The following FOXJ3 variants were observed in gnomAD, a reference collection of about 807,000 sequenced individuals.
The protein encoded by FOXJ3 is forkhead box protein J3.
FOXJ3 carries 22 observed loss-of-function variants against 76.1 expected under a neutral mutation model. The observed-to-expected ratio is 0.29, with a 90% CI of 0.21 to 0.41. The LOEUF (loss-of-function observed/expected upper bound fraction) is 0.41. FOXJ3 is among the 10% of genes least tolerant of loss of function. FOXJ3 has a pLI of 1.00. For missense variants in FOXJ3, 613 were observed against 762.1 expected, an observed-to-expected ratio of 0.80 and a Z score of 2.30; for synonymous variants, 269 against 261.2, an observed-to-expected ratio of 1.03 and a Z score of -0.29.
chr1:42,331,539 G>A (rs1436031956), intron 1 of FOXJ3, among the ~76,000 whole-genome samples: 1 of 152,176 alleles, frequency 6.6e-6, no homozygotes, highest in Non-Finnish European at 1.5e-5. Context: ...TGAAACATAT[G>A]CAAGTGAAAG....
intron 5 of FOXJ3, among the ~76,000 whole-genome samples, chr1:42,222,040 GAGAAGGAGA>G (rs1647216997): frequency 7.7e-4 from 7 of 9,092 alleles, no homozygotes; most frequent in East Asian, 2.6e-3. Context: ...GGAGGAGAAG[GAGAAGGAGA>G]AGAAGAAGAA....
intron 4 of FOXJ3, among the ~76,000 whole-genome samples, chr1:42,230,292 T>C (rs1569962001): frequency 6.6e-6 from 1 of 152,270 alleles, no homozygotes. Flanking sequence ...ATCAAAACCA[T>C]AGTAAGATAA....
chr1:42,186,347 C>G (rs1646435664), intron 11 of FOXJ3, among the ~76,000 whole-genome samples: 1 of 152,050 alleles, frequency 6.6e-6, no homozygotes, highest in Non-Finnish European at 1.5e-5. Flanking sequence ...GCCAAAACAG[C>G]TTGGCAGGCA....
In FOXJ3 at chr1:42,181,899, T is replaced by C. The variant is rs112546829; in HGVS notation, c.1753+18A>G. The C allele has an allele frequency of 5.1e-6, 3 of 584,810 alleles. No homozygotes were observed. The highest frequency in any genetic ancestry group is 7.4e-6 in the Non-Finnish European group (3 of 406,268). The allele number at this position is 584,810 out of a possible 1,614,324, so 36.2% of individuals were successfully genotyped here. A position where few individuals can be genotyped will look rare whatever the true frequency, so the allele number is the denominator to read the frequency against. ...CACACACACACACACACACACTCACTCTCTCTCTCTCTCTTACCTGCCATC... is the reference window on the plus strand; with the variant it reads ...CACACACACACACACACACACTCACCCTCTCTCTCTCTCTTACCTGCCATC... On this transcript the variant is annotated intron_variant, in intron 12 of 12. Coordinates refer to ENST00000361346, the MANE Select transcript of FOXJ3 (RefSeq NM_014947.5).
At chr1:42,236,921 T>C in intron 4 of FOXJ3, among the ~76,000 whole-genome samples, 1 of 152,248 alleles carries the variant, frequency 6.6e-6, no homozygotes. Context: ...CATCTTTGCA[T>C]GTACTTATTT....
chr1:42,302,442 T>C (rs1216652329), intron 2 of FOXJ3, among the ~76,000 whole-genome samples: 3 of 152,180 alleles, frequency 2.0e-5, no homozygotes, highest in Non-Finnish European at 4.4e-5. Context: ...GACAGGTGGG[T>C]CCAGACCAGG....
At chr1:42,325,543 A>G (rs189384256) in intron 1 of FOXJ3, among the ~76,000 whole-genome samples, 330 of 152,320 alleles carry the variant, frequency 2.2e-3, no homozygotes, top group African/African-American at 7.6e-3. Context: ...AAGAGGGAAC[A>G]GATGAGCAAG....
intron 6 of FOXJ3, among the ~76,000 whole-genome samples, chr1:42,202,683 T>C (rs906823635): frequency 6.6e-6 from 1 of 152,172 alleles, no homozygotes; most frequent in Non-Finnish European, 1.5e-5. Context: ...AAAGTTCTTA[T>C]ACATGATATA....
At chr1:42,254,550 G>C (rs1435440758) in intron 4 of FOXJ3, among the ~76,000 whole-genome samples, 1 of 147,972 alleles carries the variant, frequency 6.8e-6, no homozygotes, top group Non-Finnish European at 1.5e-5. Context: ...CAATAGCAAA[G>C]ACTTGGAACC....
At chr1:42,199,546 T>C (rs1646717713) in intron 6 of FOXJ3, among the ~76,000 whole-genome samples, 1 of 152,132 alleles carries the variant, frequency 6.6e-6, no homozygotes, top group African/African-American at 2.4e-5. Flanking sequence ...TAAATATTTC[T>C]ATAATGCATA....
chr1:42,236,811 A>T (rs1438690293), intron 4 of FOXJ3, among the ~76,000 whole-genome samples: 1 of 152,176 alleles, frequency 6.6e-6, no homozygotes, highest in African/African-American at 2.4e-5. Flanking sequence ...CGTCCTTGCC[A>T]ACACTTGGTA....
chr1:42,289,293 C>T (rs1653266424), intron 2 of FOXJ3, among the ~76,000 whole-genome samples: 1 of 151,622 alleles, frequency 6.6e-6, no homozygotes, highest in Non-Finnish European at 1.5e-5. Context: ...ACTGTGATAC[C>T]TAGGCTTAAA....
chr1:42,239,253 C>T (rs1336122170), intron 4 of FOXJ3, among the ~76,000 whole-genome samples: 1 of 150,326 alleles, frequency 6.7e-6, no homozygotes, highest in African/African-American at 2.5e-5. Context: ...ATTTCTTTTT[C>T]TTGCCTTACT....
chr1:42,237,411 T>C (rs1341654659), intron 4 of FOXJ3, among the ~76,000 whole-genome samples: 57 of 25,744 alleles, frequency 2.2e-3, no homozygotes, highest in East Asian at 0.014. Flanking sequence ...CATACATATA[T>C]ATATATATAT....
intron 2 of FOXJ3, among the ~76,000 whole-genome samples, chr1:42,301,999 A>G (rs1654180358): frequency 6.6e-6 from 1 of 152,002 alleles, no homozygotes; most frequent in Non-Finnish European, 1.5e-5. Flanking sequence ...AGGTGTCTAT[A>G]ATATATGTTG....
intron 3 of FOXJ3, among the ~76,000 whole-genome samples, chr1:42,267,289 G>A (rs1275851914): frequency 1.3e-5 from 2 of 151,960 alleles, no homozygotes; most frequent in Non-Finnish European, 2.9e-5. Context: ...GTAAAAAGGT[G>A]GGCAGAGACA....
chr1:42,274,818 T>A (rs1009001587), intron 3 of FOXJ3, among the ~76,000 whole-genome samples: 1 of 151,576 alleles, frequency 6.6e-6, no homozygotes, highest in African/African-American at 2.4e-5. Flanking sequence ...AGACTGATTC[T>A]ATAGGGAGAT....
At chr1:42,185,988 C>T (rs1332294718) in intron 11 of FOXJ3, among the ~76,000 whole-genome samples, 1 of 152,112 alleles carries the variant, frequency 6.6e-6, no homozygotes, top group Non-Finnish European at 1.5e-5. Context: ...AATTTTACAA[C>T]ATTGGGTAAG....
At chr1:42,244,877 T>C (rs982277671) in intron 4 of FOXJ3, among the ~76,000 whole-genome samples, 6 of 152,044 alleles carry the variant, frequency 3.9e-5, no homozygotes, top group Non-Finnish European at 5.9e-5. Flanking sequence ...AGCAATAAGA[T>C]TGAATCAGTA....
Sources: allele counts gnomAD v4.1 joint callset (sites outside exome capture counted in the v4.1 genomes callset), GRCh38; gene constraint gnomAD v4.1.1; transcripts MANE v1.5; gene names NCBI Gene and HGNC (gene_info 2026-07-23, HGNC 2026-07-21).